AGBL1: variants seen among roughly 807,000 people sequenced by gnomAD.
AGBL1 encodes cytosolic carboxypeptidase 4.
Under a neutral mutation model 118.9 loss-of-function variants are expected in AGBL1, and 130 were observed. That is an observed-to-expected ratio of 1.09 (90% CI 0.95 to 1.26). The LOEUF (loss-of-function observed/expected upper bound fraction) is 1.26, where lower values mean the gene tolerates loss of function less well. Ranked by LOEUF, AGBL1 falls within the 50% of genes most tolerant of loss-of-function variation. The probability of loss-of-function intolerance (pLI) is 0.00; values close to 1 mark genes in which losing one functional copy is unlikely to be tolerated. For missense variants in AGBL1, 1,584 were observed against 1,298.1 expected, an observed-to-expected ratio of 1.22 and a Z score of -3.38; for synonymous variants, 555 against 478.9, an observed-to-expected ratio of 1.16 and a Z score of -2.08.
intron 21 of AGBL1, among the ~76,000 whole-genome samples, chr15:86,607,527 G>A (rs1486649735): frequency 6.6e-6 from 1 of 152,148 alleles, no homozygotes; most frequent in African/African-American, 2.4e-5. Context: ...GTGGCATTTT[G>A]CATTCCCAGC....
intron 22 of AGBL1, among the ~76,000 whole-genome samples, chr15:86,786,386 G>T (rs181632256): frequency 6.6e-6 from 1 of 152,126 alleles, no homozygotes; most frequent in East Asian, 1.9e-4. Context: ...AAGAGAGTGT[G>T]GCAGGATATG....
At chr15:86,368,647 G>A (rs1324528638) in intron 17 of AGBL1, among the ~76,000 whole-genome samples, 2 of 152,134 alleles carry the variant, frequency 1.3e-5, no homozygotes, top group African/African-American at 4.8e-5. Flanking sequence ...CTCAGAGGCA[G>A]CACAAGAGGA....
chr15:86,573,904 G>A (rs544943618), intron 21 of AGBL1, among the ~76,000 whole-genome samples: 1 of 152,210 alleles, frequency 6.6e-6, no homozygotes, highest in Admixed American at 6.5e-5. Flanking sequence ...CTACCCCCAA[G>A]TATTCCTGAA....
intron 4 of AGBL1, among the ~76,000 whole-genome samples, chr15:86,154,848 C>T (rs147047999): frequency 1.1e-4 from 17 of 151,314 alleles, no homozygotes; most frequent in African/African-American, 3.2e-4. Flanking sequence ...CTTTTCTATT[C>T]GTACTACAAG....
intron 2 of AGBL1, among the ~76,000 whole-genome samples, chr15:86,143,317 A>G (rs1017525570): frequency 2.0e-5 from 3 of 152,210 alleles, no homozygotes; most frequent in Admixed American, 6.5e-5. Context: ...GAAGATTCAA[A>G]TGTATAGCAG....
At chr15:86,353,117 C>T (rs182436084) in intron 17 of AGBL1, among the ~76,000 whole-genome samples, 58 of 152,226 alleles carry the variant, frequency 3.8e-4, no homozygotes, top group East Asian at 1.4e-3. Flanking sequence ...GATGTGATTT[C>T]CAATTAGTTT....
At chr15:86,247,945 T>C in intron 7 of AGBL1, 66 bp downstream of exon 7, 1 of 1,548,868 alleles carries the variant, frequency 6.5e-7, no homozygotes, top group South Asian at 1.1e-5. Flanking sequence ...GGCTGTCATT[T>C]AGGAATCATC....
intron 5 of AGBL1, among the ~76,000 whole-genome samples, chr15:86,169,353 A>G (rs1020077540): frequency 6.6e-6 from 1 of 152,208 alleles, no homozygotes; most frequent in Non-Finnish European, 1.5e-5. Context: ...GGAGGGAACA[A>G]TATCTGACAC....
Position 86,914,115 on chromosome 15 carries a change from A to T in AGBL1, c.*6821A>T, listed in dbSNP as rs1230145373. On this transcript the variant is annotated 3_prime_UTR_variant, in exon 23 of 23. Coordinates refer to ENST00000614907, the MANE Select transcript of AGBL1 (RefSeq NM_001386094.1). Reference sequence around the variant, plus strand: ...CAGGGCAAGACATGGCATTGAGTTCAATTGTCTCTACTGGCTGTGGGACGG... The same window carrying T: ...CAGGGCAAGACATGGCATTGAGTTCTATTGTCTCTACTGGCTGTGGGACGG... 2 of 152,176 alleles carry T rather than the reference A, an allele frequency of 1.3e-5. No individual in the cohort carries two copies. 9.4% of individuals were successfully genotyped at this position (152,176 alleles called of 1,614,324 possible). A position where few individuals can be genotyped will look rare whatever the true frequency, so the allele number is the denominator to read the frequency against.
intron 16 of AGBL1, among the ~76,000 whole-genome samples, chr15:86,283,018 C>T (rs2079380075): frequency 6.6e-6 from 1 of 152,110 alleles, no homozygotes; most frequent in Admixed American, 6.6e-5. Context: ...TGGATATCTT[C>T]CAGATGCTTG....
At chr15:86,674,102 A>G (rs945243433) in intron 21 of AGBL1, among the ~76,000 whole-genome samples, 171 bp from the exon 22 acceptor site, 2 of 152,084 alleles carry the variant, frequency 1.3e-5, no homozygotes, top group African/African-American at 4.8e-5. Flanking sequence ...ACTGAGAACC[A>G]CCACTCCACA....
At chr15:86,662,416 C>G (rs921405895) in intron 21 of AGBL1, among the ~76,000 whole-genome samples, 2 of 152,164 alleles carry the variant, frequency 1.3e-5, no homozygotes, top group African/African-American at 4.8e-5. Context: ...ACTTGAAGAG[C>G]TTATGTAACT....
intron 9 of AGBL1, among the ~76,000 whole-genome samples, chr15:86,262,095 G>A (rs199909422): frequency 1.2e-4 from 1 of 8,548 alleles, no homozygotes; most frequent in Non-Finnish European, 3.0e-4. Flanking sequence ...TTTTTTTTTT[G>A]CCATTTAGGT....
chr15:86,437,389 C>A (rs900504740), intron 18 of AGBL1, among the ~76,000 whole-genome samples: 2 of 152,164 alleles, frequency 1.3e-5, no homozygotes, highest in Admixed American at 6.5e-5. Context: ...AGGCACTGCT[C>A]CTGCTTCAGA....
intron 21 of AGBL1, among the ~76,000 whole-genome samples, chr15:86,648,202 G>C (rs1047708290): frequency 6.6e-6 from 1 of 152,132 alleles, no homozygotes; most frequent in Admixed American, 6.5e-5. Flanking sequence ...GGGATGTTGT[G>C]GGGGAGGACA....
intron 17 of AGBL1, among the ~76,000 whole-genome samples, chr15:86,370,331 A>C (rs1436578862): frequency 6.8e-6 from 1 of 147,172 alleles, no homozygotes; most frequent in African/African-American, 2.5e-5. Flanking sequence ...TTTAGACAGA[A>C]TCTCACTCTG....
chr15:86,618,019 C>T (rs1356999802), intron 21 of AGBL1, among the ~76,000 whole-genome samples: 2 of 152,078 alleles, frequency 1.3e-5, no homozygotes, highest in Non-Finnish European at 2.9e-5. Flanking sequence ...CAGGGCTTCC[C>T]ACTATATTAT....
chr15:87,031,273 T>C (rs1157111160), downstream of AGBL1, among the ~76,000 whole-genome samples: 2 of 151,826 alleles, frequency 1.3e-5, no homozygotes, highest in African/African-American at 2.4e-5. Flanking sequence ...GTAACCATAA[T>C]TACAAAATGG....
At chr15:86,393,556 T>C (rs145056092) in intron 17 of AGBL1, among the ~76,000 whole-genome samples, 3 of 152,338 alleles carry the variant, frequency 2.0e-5, no homozygotes, top group Admixed American at 2.0e-4. Flanking sequence ...AAGCTTTTTA[T>C]TGGCGTGCCA....
Sources: allele counts gnomAD v4.1 joint callset (sites outside exome capture counted in the v4.1 genomes callset), GRCh38; gene constraint gnomAD v4.1.1; transcripts MANE v1.5; gene names NCBI Gene and HGNC (gene_info 2026-07-23, HGNC 2026-07-21).